The following CSMD1 variants were observed in gnomAD, a reference collection of about 807,000 sequenced individuals.
The protein encoded by CSMD1 is CUB and sushi domain-containing protein 1.
Under a neutral mutation model 417.5 loss-of-function variants are expected in CSMD1, and 213 were observed. The observed-to-expected ratio is 0.51, with a 90% confidence interval of 0.46 to 0.57. The LOEUF is 0.57. Among genes scored for constraint, CSMD1 ranks in the 20% least tolerant of loss-of-function variants. The pLI is 0.00. For synonymous variants in CSMD1, 2,862 were observed against 1,736.8 expected (o/e 1.65, Z -16.11); for missense variants, 6,923 against 4,529.7 (o/e 1.53, Z -15.17).
chr8:4,007,825 A>G (rs1156431749), intron 4 of CSMD1, among the ~76,000 whole-genome samples: 1 of 152,110 alleles, frequency 6.6e-6, no homozygotes, highest in Admixed American at 6.5e-5. Context: ...ACGGAATCAA[A>G]CCATATCCTC....
intron 3 of CSMD1, among the ~76,000 whole-genome samples, chr8:4,389,210 G>A (rs1024243158): frequency 2.0e-5 from 3 of 152,124 alleles, no homozygotes; most frequent in Non-Finnish European, 2.9e-5. Context: ...GAGGGAGTGG[G>A]CTACTTCTAG....
chr8:3,446,392 G>T (rs1200110257), intron 12 of CSMD1, among the ~76,000 whole-genome samples: 2 of 152,170 alleles, frequency 1.3e-5, no homozygotes, highest in East Asian at 3.8e-4. Flanking sequence ...TTTCAACTGA[G>T]GATCTGTCCT....
At chr8:4,740,914 T>A (rs1324869985) in intron 1 of CSMD1, among the ~76,000 whole-genome samples, 1 of 152,160 alleles carries the variant, frequency 6.6e-6, no homozygotes, top group Non-Finnish European at 1.5e-5. Context: ...TTTCCTGACT[T>A]TAAAGTTTCA....
At chr8:4,597,434 T>C in intron 2 of CSMD1, among the ~76,000 whole-genome samples, 1 of 152,176 alleles carries the variant, frequency 6.6e-6, no homozygotes, top group Non-Finnish European at 1.5e-5. Flanking sequence ...TCACCCCTGG[T>C]CCTCTTGTAA....
At chr8:3,212,379 C>T (rs1010297766) in intron 30 of CSMD1, among the ~76,000 whole-genome samples, 3 of 152,100 alleles carry the variant, frequency 2.0e-5, no homozygotes, top group African/African-American at 4.8e-5. Flanking sequence ...CTTCCTCTGT[C>T]GATCTGTTGC....
chr8:3,480,334 C>T (rs956949607), intron 11 of CSMD1, among the ~76,000 whole-genome samples: 3 of 151,878 alleles, frequency 2.0e-5, no homozygotes, highest in African/African-American at 4.8e-5. Flanking sequence ...TGCACTCCAG[C>T]CCCCTGGAGC....
intron 2 of CSMD1, among the ~76,000 whole-genome samples, chr8:4,478,631 G>C (rs571873644): frequency 6.6e-6 from 1 of 152,158 alleles, no homozygotes; most frequent in Non-Finnish European, 1.5e-5. Context: ...TAAACTATCA[G>C]AGAGGAAACT....
chr8:3,137,557 G>C lies in CSMD1; in HGVS notation c.6241+4908C>G, dbSNP rs116125524. ...GGCATCCTTTAAACATAGAAATACA[G>C]TTGTCCCTTGGCTTTTGCAGGTGGG... On this transcript the variant is annotated intron_variant, in intron 41 of 69. Transcript: ENST00000635120. Among the ~76,000 whole-genome samples, 668 of 152,334 alleles carry C rather than the reference G, an allele frequency of 4.4e-3. 6 individuals carry two copies. The highest frequency in any genetic ancestry group is 0.015 in the African/African-American group (633 of 41,584).
At chr8:3,759,188 T>C (rs1335871463) in intron 5 of CSMD1, among the ~76,000 whole-genome samples, 10 of 152,212 alleles carry the variant, frequency 6.6e-5, no homozygotes, top group Non-Finnish European at 1.5e-5. Flanking sequence ...AAATCTCTTG[T>C]TGAGATGTAT....
At chr8:4,655,125 G>C (rs967449845) in intron 1 of CSMD1, among the ~76,000 whole-genome samples, 5 of 150,714 alleles carry the variant, frequency 3.3e-5, no homozygotes, top group Non-Finnish European at 7.4e-5. Context: ...CAAGGGTTTT[G>C]TCTTACTAAG....
intron 1 of CSMD1, among the ~76,000 whole-genome samples, chr8:4,882,755 C>CT (rs1803492660): frequency 6.6e-6 from 1 of 151,902 alleles, no homozygotes; most frequent in East Asian, 1.9e-4. Flanking sequence ...TAATAATTAT[C>CT]TTTTAAAAAA....
intron 10 of CSMD1, among the ~76,000 whole-genome samples, chr8:3,526,195 CATCA>C (rs1797746587): frequency 6.6e-6 from 1 of 152,136 alleles, no homozygotes; most frequent in South Asian, 2.1e-4. Context: ...GACATTTTCT[CATCA>C]ATCATAAGAC....
At chr8:3,297,985 C>T (rs1254773676) in intron 25 of CSMD1, among the ~76,000 whole-genome samples, 1 of 152,032 alleles carries the variant, frequency 6.6e-6, no homozygotes, top group Non-Finnish European at 1.5e-5. Context: ...GGCCAATAAA[C>T]ATATAAAAAA....
rs994126075 is a variant in CSMD1, at chr8:2,942,617, G to T, written c.10403-13C>A. 6.5e-7 allele frequency: 1 copy of T among 1,544,848 alleles called. No homozygotes were observed. The highest frequency in any genetic ancestry group is 8.8e-7 in the Non-Finnish European group (1 of 1,142,844). ...GGGTTTAAAGGATCTGTAAGATAAA[G>T]GAAATATTAAATTTGTTGTTACTGT... is the stretch of plus-strand genomic sequence containing the variant. On this transcript the variant is annotated splice_polypyrimidine_tract_variant and intron_variant, in intron 68 of 69. Coordinates refer to ENST00000635120, the MANE Select transcript of CSMD1 (RefSeq NM_033225.6).
intron 3 of CSMD1, among the ~76,000 whole-genome samples, chr8:4,414,624 G>A (rs1252905784): frequency 6.6e-6 from 1 of 151,708 alleles, no homozygotes; most frequent in Non-Finnish European, 1.5e-5. Context: ...TGCATGCGTG[G>A]GTGTGTTCAC....
At chr8:3,624,360 T>A (rs1489579179) in intron 7 of CSMD1, among the ~76,000 whole-genome samples, 2 of 152,206 alleles carry the variant, frequency 1.3e-5, no homozygotes, top group Non-Finnish European at 2.9e-5. Flanking sequence ...GCTTGAATGT[T>A]AAATCTCTAT....
chr8:3,633,534 G>T (rs533901875), intron 7 of CSMD1, among the ~76,000 whole-genome samples: 43 of 152,284 alleles, frequency 2.8e-4, no homozygotes, highest in African/African-American at 1.0e-3. Flanking sequence ...ATGGACAATT[G>T]TATTAGTGGT....
chr8:3,984,298 G>A (rs540194158), intron 5 of CSMD1, among the ~76,000 whole-genome samples: 4 of 152,248 alleles, frequency 2.6e-5, no homozygotes, highest in Admixed American at 6.5e-5. Context: ...TGTCACACAT[G>A]CACAGAGTTT....
At chr8:3,915,315 A>G (rs1808740837) in intron 5 of CSMD1, among the ~76,000 whole-genome samples, 1 of 149,670 alleles carries the variant, frequency 6.7e-6, no homozygotes, top group Admixed American at 6.7e-5. Context: ...CTAAGGCAGG[A>G]GAATCATTTG....
Sources: allele counts gnomAD v4.1 joint callset (sites outside exome capture counted in the v4.1 genomes callset), GRCh38; gene constraint gnomAD v4.1.1; transcripts MANE v1.5; gene names NCBI Gene and HGNC (gene_info 2026-07-23, HGNC 2026-07-21).